The following PLB1 variants were observed in gnomAD, a reference collection of about 807,000 sequenced individuals.
PLB1 encodes phospholipase B1, also known as phospholipase B1, membrane-associated.
A neutral mutation model predicts 227.4 loss-of-function variants in PLB1; 242 were observed. The ratio of observed to expected loss-of-function variants is 1.06; its 90% CI spans 0.96 to 1.18. The LOEUF is 1.18. Ranked by LOEUF, PLB1 falls within the 50% of genes most tolerant of loss-of-function variation. The pLI is 0.00. For synonymous variants in PLB1, 757 were observed against 682.2 expected, an observed-to-expected ratio of 1.11 and a Z score of -1.71; for missense variants, 1,858 against 1,816.3, an observed-to-expected ratio of 1.02 and a Z score of -0.42.
chr2:28,519,719 C>A lies in PLB1; in HGVS notation c.199C>A (p.Pro67Thr). Reference sequence around the variant, plus strand: ...TGTCTCCACAGTTCACTCTCTGAAGCCTTCTGATATTAAATTTGTGGCAGC... The same window carrying A: ...TGTCTCCACAGTTCACTCTCTGAAGACTTCTGATATTAAATTTGTGGCAGC... Reference protein sequence around the residue: ...MPSKSVHSLKPSDIKFVAAIG... With the variant: ...MPSKSVHSLKTSDIKFVAAIG... The change falls in exon 4 of 58, where the codon CCT becomes ACT. Residue 67 changes from proline to threonine, a missense_variant. Coordinates refer to ENST00000327757, the MANE Select transcript of PLB1 (RefSeq NM_153021.5). 12 of 1,610,896 alleles carry A rather than the reference C, an allele frequency of 7.4e-6. No homozygotes were observed. The highest frequency in any genetic ancestry group is 1.0e-5 in the Non-Finnish European group (12 of 1,177,336).
intron 56 of PLB1, among the ~76,000 whole-genome samples, chr2:28,634,945 C>G (rs1174671096): frequency 6.6e-6 from 1 of 152,092 alleles, no homozygotes; most frequent in African/African-American, 2.4e-5. Flanking sequence ...ATATGTAGCT[C>G]TGGCCTTCTC....
rs1180903944 is a variant in PLB1 at position 28,519,766 on chromosome 2, G to A, written c.243+3G>A. ...CAGCCATTGGCAATCTGGAAATTGTGAGTATTTGAAGTAGCTTGGGGCAGG... is the reference window on the plus strand; with the variant it reads ...CAGCCATTGGCAATCTGGAAATTGTAAGTATTTGAAGTAGCTTGGGGCAGG... On this transcript the variant is annotated splice_donor_region_variant and intron_variant, in intron 4 of 57. Transcript: ENST00000327757. The A allele has an allele frequency of 1.2e-6, 2 of 1,608,768 alleles. No homozygotes were observed. The highest frequency in any genetic ancestry group is 1.7e-6 in the Non-Finnish European group (2 of 1,175,368).
chr2:28,604,621 G>T (rs960752015), intron 40 of PLB1, 34 bp from the exon 41 acceptor site: 9 of 1,595,570 alleles, frequency 5.6e-6, no homozygotes, highest in Non-Finnish European at 6.0e-6. Context: ...CCCACCCAGG[G>T]CCTGGGCTGA....
chr2:28,596,526 A>G (rs1027229255), intron 33 of PLB1, among the ~76,000 whole-genome samples: 2 of 152,222 alleles, frequency 1.3e-5, no homozygotes, highest in East Asian at 1.9e-4. Flanking sequence ...TTATATCTTT[A>G]TTGAAGGAGA....
At chr2:28,624,977 TC>T in intron 49 of PLB1, 79 bp from the exon 50 acceptor site, 1 of 1,352,002 alleles carries the variant, frequency 7.4e-7, no homozygotes, top group Non-Finnish European at 1.1e-6. Context: ...GAAACACCTC[TC>T]TTCCTAGGCC....
At chr2:28,601,469 CCACACACACACACACA>C (rs3071740) in intron 37 of PLB1, 137 bp downstream of exon 37, 1 of 599,492 alleles carries the variant, frequency 1.7e-6, no homozygotes. Context: ...TATACACATA[CCACACACACACACACA>C]CACACACACA....
intron 11 of PLB1, 44 bp downstream of exon 11, chr2:28,539,222 G>A (rs765927179): frequency 1.9e-6 from 3 of 1,541,466 alleles, no homozygotes; most frequent in Non-Finnish European, 2.7e-6. Context: ...TGACACGGCT[G>A]TCACGTGTGC....
In PLB1 at chr2:28,543,219, C is replaced by A; in HGVS notation, c.887C>A (p.Pro296His). The A allele has an allele frequency of 6.2e-7, 1 of 1,610,678 alleles. No homozygotes were observed. Among genetic ancestry groups the A allele is most frequent in the Non-Finnish European group, 8.5e-7 (1 of 1,178,694 alleles). The change falls in exon 14 of 58, where the codon CCC becomes CAC. Residue 296 changes from proline to histidine, a missense_variant. Transcript: ENST00000327757. ...ETTPSLHSED[P>H]RLQDSTTLAW... ...CAACTGGTTCTCTTTTAGGAGGACC[C>A]CCGACTCCAGGATTCTACCACGCTG...
chr2:28,615,381 G>A (rs1250823306), intron 44 of PLB1, among the ~76,000 whole-genome samples: 2 of 152,224 alleles, frequency 1.3e-5, no homozygotes, highest in African/African-American at 4.8e-5. Flanking sequence ...ACATGATCTG[G>A]TTCACGTCTT....
chr2:28,546,992 G>A (rs1011355149), intron 14 of PLB1, among the ~76,000 whole-genome samples: 1 of 151,972 alleles, frequency 6.6e-6, no homozygotes, highest in Non-Finnish European at 1.5e-5. Flanking sequence ...TTAAGGCCAG[G>A]AATTTGAGAA....
Position 28,541,722 on chromosome 2 carries a change from C to T in PLB1, c.790C>T (p.Leu264Phe). 2 of 1,613,858 alleles carry T rather than the reference C, an allele frequency of 1.2e-6. No individual in the cohort carries two copies. The highest frequency in any genetic ancestry group is 1.7e-6 in the Non-Finnish European group (2 of 1,179,926). The stretch of plus-strand genomic sequence containing the variant: ...CCTTCTCCAGGAAGCCTGGAACAGC[C>T]TCCTGGCCTCCAGCAGGTACAGTGA... ...QWSYQEAWNS[L>F]LASSRYSEQE... Residue 264 changes from leucine to phenylalanine, a missense_variant, in exon 13 of 58, where the codon CTC (leucine) becomes TTC (phenylalanine). By Grantham distance (22) the Leu-to-Phe change is conservative. Coordinates refer to ENST00000327757, the MANE Select transcript of PLB1 (RefSeq NM_153021.5).
intron 26 of PLB1, among the ~76,000 whole-genome samples, chr2:28,587,048 C>T (rs1204041259): frequency 3.9e-5 from 6 of 152,226 alleles, no homozygotes; most frequent in African/African-American, 9.6e-5. Flanking sequence ...CGCGCCAAGC[C>T]ACACTTCCTT....
At chr2:28,592,766 T>C (rs760479713) in intron 32 of PLB1, 47 bp downstream of exon 32, 1 of 1,570,038 alleles carries the variant, frequency 6.4e-7, no homozygotes, top group East Asian at 2.2e-5. Flanking sequence ...CTAGGCCAGC[T>C]CCAGATCCCA....
intron 9 of PLB1, among the ~76,000 whole-genome samples, chr2:28,533,963 A>G (rs1671345510): frequency 6.6e-6 from 1 of 152,228 alleles, no homozygotes; most frequent in South Asian, 2.1e-4. Flanking sequence ...TAAAATATGT[A>G]TCCTTTTGGC....
intron 17 of PLB1, among the ~76,000 whole-genome samples, chr2:28,554,800 AGC>A: frequency 6.6e-6 from 1 of 152,254 alleles, no homozygotes; most frequent in Admixed American, 6.5e-5. Context: ...AACATCTAAA[AGC>A]TGGGTAAAAT....
intron 56 of PLB1, among the ~76,000 whole-genome samples, chr2:28,635,792 C>T: frequency 6.6e-6 from 1 of 152,322 alleles, no homozygotes; most frequent in South Asian, 2.1e-4. Context: ...GTTTCTCTTT[C>T]CCGAGGCCTA....
chr2:28,595,242 C>G (rs952429470), intron 33 of PLB1: 1 of 152,210 alleles, frequency 6.6e-6, no homozygotes, highest in Non-Finnish European at 1.5e-5. Context: ...TCTTTTAGTT[C>G]TAGCTCTAAG....
Position 28,601,951 on chromosome 2 carries a change from T to G in PLB1, c.2660T>G (p.Val887Gly), listed in dbSNP as rs1573347381. 6.2e-7 allele frequency: 1 copy of G among 1,611,184 alleles called. No individual in the cohort carries two copies. Residue 887 changes from valine (V) to glycine (G), a missense_variant, in exon 38 of 58, where the codon GTC becomes GGC. By Grantham distance (109) the Val-to-Gly change is moderately radical (BLOSUM62 -3). Transcript: ENST00000327757. ...CACCATCTCCGCAATGCCTTGGACG[T>G]CCTGCATAGAGAGGTGGGTGGGGGG... is the stretch of plus-strand genomic sequence containing the variant. The part of the protein sequence containing the change: ...FVHHLRNALD[V>G]LHREVPRVLV...
At chr2:28,577,351 A>G (rs1191565989) in intron 21 of PLB1, among the ~76,000 whole-genome samples, 3 of 152,178 alleles carry the variant, frequency 2.0e-5, no homozygotes. Flanking sequence ...AAAGGCACCT[A>G]AGTGTCCAAC....
Sources: gnomAD v4.1 joint callset for allele counts (sites outside exome capture counted in the v4.1 genomes callset) on GRCh38, gnomAD v4.1.1 for gene constraint, MANE v1.5 for transcripts, NCBI Gene and HGNC (gene_info 2026-07-23, HGNC 2026-07-21) for gene names.